Variants in BCL7C observed in about 807,000 individuals in gnomAD.
BCL7C encodes the protein BAF chromatin remodeling complex subunit BCL7C, also known as B-cell CLL/lymphoma 7 protein family member C.
A neutral mutation model predicts 26.2 loss-of-function variants in BCL7C; 8 were observed. That is an observed-to-expected ratio of 0.30 (90% confidence interval 0.18 to 0.55). The LOEUF (loss-of-function observed/expected upper bound fraction) is 0.55. BCL7C is among the 20% of genes least tolerant of loss of function. The probability of loss-of-function intolerance (pLI) is 0.93; values close to 1 mark genes in which losing one functional copy is unlikely to be tolerated. For missense variants in BCL7C, 262 were observed against 298.5 expected (o/e 0.88, Z 0.90); for synonymous variants, 90 against 116.5 (o/e 0.77, Z 1.47).
chr16:30,851,829 G>A (rs527374574), intron 5 of BCL7C: 3 of 269,938 alleles, frequency 1.1e-5, no homozygotes, highest in Middle Eastern at 4.1e-4. Context: ...GGTTGTTGCC[G>A]GTTGTCATAT....
At chr16:30,854,801 G>A (rs1185711434) in intron 5 of BCL7C, among the ~76,000 whole-genome samples, 2 of 150,146 alleles carry the variant, frequency 1.3e-5, no homozygotes, top group African/African-American at 4.9e-5. Flanking sequence ...CCGTCTCCCA[G>A]AGCGATTCTC....
At chr16:30,883,844 T>G (rs2055083112), downstream of BCL7C, among the ~76,000 whole-genome samples, 1 of 141,934 alleles carries the variant, frequency 7.0e-6, no homozygotes, top group Non-Finnish European at 1.5e-5. Context: ...CAGGTCAAAG[T>G]GCCGGGCGCA....
intron 5 of BCL7C, among the ~76,000 whole-genome samples, chr16:30,856,462 T>TGTGGCA (rs2054723376): frequency 2.3e-5 from 3 of 128,236 alleles, no homozygotes; most frequent in Non-Finnish European, 3.4e-5. Flanking sequence ...AAAAAAAAAG[T>TGTGGCA]GTGGCAGCTC....
In BCL7C at chr16:30,834,843, T is replaced by C; in HGVS notation, c.*105A>G. 1 of 1,158,378 alleles carries C rather than the reference T, an allele frequency of 8.6e-7. No homozygotes were observed. The highest frequency in any genetic ancestry group is 1.2e-6 in the Non-Finnish European group (1 of 842,544). The allele number at this position is 1,158,378 out of a possible 1,614,324, so 71.8% of individuals were successfully genotyped here. A position where few individuals can be genotyped will look rare whatever the true frequency, so the allele number is the denominator to read the frequency against. ...CGCTCGCCCTCCGATGTTACCGCGG[T>C]GGGTGAGCTGGGAAGCTCTTTCCGC... On this transcript the variant is annotated 3_prime_UTR_variant, in exon 6 of 6. Coordinates refer to the BCL7C transcript ENST00000380317. The surrounding 1 kb of genome is among the most constrained non-coding windows in gnomAD (Gnocchi z 4.3).
chr16:30,877,685 C>T (rs1186821423), intron 5 of BCL7C, among the ~76,000 whole-genome samples: 1 of 148,936 alleles, frequency 6.7e-6, no homozygotes, highest in South Asian at 2.2e-4. Context: ...GTGATCCACC[C>T]GCCTCGGCCT....
chr16:30,855,936 C>G (rs2054716531), intron 5 of BCL7C, among the ~76,000 whole-genome samples: 1 of 151,506 alleles, frequency 6.6e-6, no homozygotes, highest in African/African-American at 2.4e-5. Context: ...GGTGCAGGCG[C>G]CTGTAATCCC....
chr16:30,859,214 G>C (rs558828300), intron 5 of BCL7C, among the ~76,000 whole-genome samples: 1 of 152,354 alleles, frequency 6.6e-6, no homozygotes, highest in African/African-American at 2.4e-5. Context: ...AGCAGAGTTA[G>C]CAATGAATTA....
At position 30,887,835 on chromosome 16, in the gene BCL7C, C is replaced by T; in HGVS notation, c.*30G>A. ...TATTTGTAAAAAGCCAAAGGGGCCC[C>T]TGGGGCAACAGGACAGGCAGGCCGG... On this transcript the variant is annotated 3_prime_UTR_variant, in exon 6 of 6. Coordinates refer to ENST00000215115, the MANE Select transcript of BCL7C (RefSeq NM_004765.4). 1.3e-6 allele frequency: 2 copies of T among 1,539,108 alleles called. No homozygotes were observed. The highest frequency in any genetic ancestry group is 1.7e-6 in the Non-Finnish European group (2 of 1,150,188).
intron 5 of BCL7C, among the ~76,000 whole-genome samples, chr16:30,888,543 G>A (rs1272643885): frequency 6.6e-6 from 1 of 151,556 alleles, no homozygotes; most frequent in Non-Finnish European, 1.5e-5. Context: ...CACCGTGTTA[G>A]CCAGGATGGT....
At chr16:30,836,427 C>T (rs1214075777) in intron 5 of BCL7C, among the ~76,000 whole-genome samples, 1 of 151,154 alleles carries the variant, frequency 6.6e-6, no homozygotes, top group African/African-American at 2.4e-5. Context: ...AACTTATGAT[C>T]ACGCTGCTGC....
intron 5 of BCL7C, among the ~76,000 whole-genome samples, chr16:30,859,766 C>A (rs2054754121): frequency 6.6e-6 from 1 of 152,208 alleles, no homozygotes; most frequent in African/African-American, 2.4e-5. Context: ...AATCCCACCA[C>A]CCTTTGCTGA....
At chr16:30,845,279 C>T (rs145159515) in intron 5 of BCL7C, among the ~76,000 whole-genome samples, 1 of 152,188 alleles carries the variant, frequency 6.6e-6, no homozygotes, top group African/African-American at 2.4e-5. Context: ...TCTCACCAAG[C>T]GCACTTTATC....
At chr16:30,882,388 C>G (rs1211270550) in intron 5 of BCL7C, among the ~76,000 whole-genome samples, 2 of 152,154 alleles carry the variant, frequency 1.3e-5, no homozygotes, top group Non-Finnish European at 2.9e-5. Context: ...GCTGAAGAAC[C>G]AAGCAGACAG....
intron 5 of BCL7C, among the ~76,000 whole-genome samples, chr16:30,866,190 CATA>C (rs1219417311): frequency 6.6e-6 from 1 of 151,952 alleles, no homozygotes; most frequent in East Asian, 1.9e-4. Flanking sequence ...AGTTGGCAAG[CATA>C]ATATTTTGAT....
At chr16:30,878,894 A>C (rs1235834581) in intron 5 of BCL7C, among the ~76,000 whole-genome samples, 2 of 152,148 alleles carry the variant, frequency 1.3e-5, no homozygotes, top group Admixed American at 6.5e-5. Context: ...AGAATATTTA[A>C]ATGATTCCCC....
At chr16:30,865,732 T>C (rs1451926804) in intron 5 of BCL7C, among the ~76,000 whole-genome samples, 1 of 144,172 alleles carries the variant, frequency 6.9e-6, no homozygotes, top group Non-Finnish European at 1.5e-5. Flanking sequence ...TTTTTCTTTT[T>C]TTTTTTTTTT....
chr16:30,873,722 C>T (rs1313666201), intron 5 of BCL7C, among the ~76,000 whole-genome samples: 2 of 150,862 alleles, frequency 1.3e-5, no homozygotes, highest in African/African-American at 4.9e-5. Context: ...ATGGTAGCAG[C>T]AGCCTGTAAT....
chr16:30,877,063 G>A (rs894659558), intron 5 of BCL7C, among the ~76,000 whole-genome samples: 6 of 152,148 alleles, frequency 3.9e-5, no homozygotes, highest in Non-Finnish European at 8.8e-5. Flanking sequence ...TTAGCCTGGA[G>A]GCCATGCAAG....
intron 5 of BCL7C, among the ~76,000 whole-genome samples, chr16:30,872,552 T>C (rs2054891082): frequency 6.6e-6 from 1 of 152,176 alleles, no homozygotes. Flanking sequence ...AAAGCCCCAG[T>C]GGCAAATGAG....
Sources: allele counts gnomAD v4.1 joint callset (sites outside exome capture counted in the v4.1 genomes callset), GRCh38; gene constraint gnomAD v4.1.1; non-coding constraint Gnocchi (gnomAD v3.1); transcripts MANE v1.5; gene names NCBI Gene and HGNC (gene_info 2026-07-23, HGNC 2026-07-21).